Variants in SCN9A observed in about 807,000 individuals in gnomAD.
The protein encoded by SCN9A is sodium channel protein type 9 subunit alpha.
A neutral mutation model predicts 187.0 loss-of-function variants in SCN9A; 131 were observed. The ratio of observed to expected loss-of-function variants is 0.70; its 90% CI spans 0.61 to 0.81. The LOEUF (loss-of-function observed/expected upper bound fraction) is 0.81, where lower values mean the gene tolerates loss of function less well. Among genes scored for constraint, SCN9A ranks in the 30% least tolerant of loss-of-function variants. The pLI, the probability that SCN9A is intolerant of heterozygous loss-of-function variation, is 0.00. For missense variants in SCN9A, 2,252 were observed against 2,396.6 expected, an observed-to-expected ratio of 0.94 and a Z score of 1.26; for synonymous variants, 809 against 808.6, an observed-to-expected ratio of 1.00 and a Z score of -0.01.
intron 1 of SCN9A, among the ~76,000 whole-genome samples, chr2:166,341,906 T>C (rs989747797): frequency 6.6e-6 from 1 of 152,226 alleles, no homozygotes; most frequent in African/African-American, 2.4e-5. Flanking sequence ...AAGAAAGGTT[T>C]CGGTTTTAAC....
intron 24 of SCN9A, among the ~76,000 whole-genome samples, chr2:166,215,779 C>CA (rs33938188): frequency 0.5 from 67,666 of 134,594 alleles, 17,382 homozygotes; most frequent in African/African-American, 0.62. Flanking sequence ...GTCTCCTAAC[C>CA]AAAAAAAAAA....
chr2:166,245,802 A>G (rs1354149817), intron 18 of SCN9A, among the ~76,000 whole-genome samples: 1 of 152,040 alleles, frequency 6.6e-6, no homozygotes, highest in African/African-American at 2.4e-5. Context: ...TAATTCATTA[A>G]CAAGTATTGA....
At chr2:166,242,729 A>G in intron 18 of SCN9A, 73 bp from the exon 19 acceptor site, 2 of 1,175,228 alleles carry the variant, frequency 1.7e-6, no homozygotes, top group Non-Finnish European at 2.4e-6. Flanking sequence ...TATTTAATGC[A>G]AACTGCTTTC....
At chr2:166,359,172 G>T (rs1217849284) in intron 1 of SCN9A, among the ~76,000 whole-genome samples, 3 of 151,922 alleles carry the variant, frequency 2.0e-5, no homozygotes, top group South Asian at 2.1e-4. Flanking sequence ...TATTAGGGTT[G>T]GTGCTATTAG....
At chr2:166,322,616 C>T (rs1699271955) in intron 1 of SCN9A, among the ~76,000 whole-genome samples, 1 of 152,132 alleles carries the variant, frequency 6.6e-6, no homozygotes, top group Non-Finnish European at 1.5e-5. Context: ...TTGTCTCATC[C>T]TTCTATTTTA....
intron 7 of SCN9A, among the ~76,000 whole-genome samples, chr2:166,299,205 T>TAGGGG (rs1698451581): frequency 7.0e-6 from 1 of 143,638 alleles, no homozygotes; most frequent in Admixed American, 6.7e-5. Context: ...CAAAAACCCA[T>TAGGGG]ATATTTTTTT....
chr2:166,232,216 G>A (rs1039824296), intron 21 of SCN9A, among the ~76,000 whole-genome samples: 1 of 152,146 alleles, frequency 6.6e-6, no homozygotes, highest in Non-Finnish European at 1.5e-5. Flanking sequence ...CTCCATGTGT[G>A]TTACAAAGTT....
intron 1 of SCN9A, among the ~76,000 whole-genome samples, chr2:166,367,989 GGGTTAAA>G (rs1700459311): frequency 6.6e-6 from 1 of 152,152 alleles, no homozygotes; most frequent in African/African-American, 2.4e-5. Context: ...GCTCCATTAA[GGGTTAAA>G]CATATTTGAT....
intron 1 of SCN9A, among the ~76,000 whole-genome samples, chr2:166,320,794 G>A (rs1699218369): frequency 6.6e-6 from 1 of 151,988 alleles, no homozygotes; most frequent in Non-Finnish European, 1.5e-5. Context: ...CTTATGTTAG[G>A]TAATGTTAAA....
chr2:166,288,322 C>A, intron 10 of SCN9A, 115 bp downstream of exon 10: 2 of 786,768 alleles, frequency 2.5e-6, no homozygotes, highest in African/African-American at 1.7e-5. Flanking sequence ...AGTTTATACA[C>A]AAAAATTCAT....
At chr2:166,367,653 C>A (rs1247179348) in intron 1 of SCN9A, among the ~76,000 whole-genome samples, 2 of 152,152 alleles carry the variant, frequency 1.3e-5, no homozygotes, top group Non-Finnish European at 2.9e-5. Context: ...GCCTTTTTCC[C>A]ATTTCAGTTT....
intron 20 of SCN9A, among the ~76,000 whole-genome samples, chr2:166,237,813 A>G (rs942588643): frequency 6.6e-6 from 1 of 152,134 alleles, no homozygotes; most frequent in Non-Finnish European, 1.5e-5. Context: ...CATATTTTTT[A>G]AAAAATCACA....
intron 24 of SCN9A, among the ~76,000 whole-genome samples, chr2:166,224,419 G>T (rs1694758983): frequency 6.6e-6 from 1 of 152,062 alleles, no homozygotes; most frequent in South Asian, 2.1e-4. Context: ...GCACACTAAT[G>T]ACATTTTGGT....
At position 166,237,117 on chromosome 2, in the gene SCN9A, A is replaced by T. The variant is rs764777002; in HGVS notation, c.3801+977T>A. On this transcript the variant is annotated intron_variant, in intron 20 of 26. Coordinates refer to ENST00000642356, the MANE Select transcript of SCN9A (RefSeq NM_001365536.1). ...TCATTCTGAGAAAAATAAGACTGGGAGATTGAGGTTATAAAATAATGTAAG... is the reference window on the plus strand; with the variant it reads ...TCATTCTGAGAAAAATAAGACTGGGTGATTGAGGTTATAAAATAATGTAAG... 5.7e-4 allele frequency among the ~76,000 whole-genome samples: 86 copies of T among 152,096 alleles called. 1 individual carries two copies. The highest frequency in any genetic ancestry group is 1.2e-3 in the Admixed American group (18 of 15,262).
chr2:166,229,511 T>G (rs973623038), intron 21 of SCN9A, among the ~76,000 whole-genome samples: 1 of 152,122 alleles, frequency 6.6e-6, no homozygotes, highest in African/African-American at 2.4e-5. Context: ...TAATTTAATT[T>G]AATTATTTTC....
At chr2:166,258,986 T>G (rs1284918296) in intron 17 of SCN9A, among the ~76,000 whole-genome samples, 1 of 151,660 alleles carries the variant, frequency 6.6e-6, no homozygotes, top group East Asian at 1.9e-4. Flanking sequence ...GATCATGCAC[T>G]TGAAATCACT....
chr2:166,271,356 A>G (rs144057409), intron 17 of SCN9A, among the ~76,000 whole-genome samples: 38 of 152,272 alleles, frequency 2.5e-4, no homozygotes, highest in African/African-American at 8.9e-4. Flanking sequence ...AGTATTAACA[A>G]TTTAATAGAT....
In SCN9A at chr2:166,336,920, T is replaced by C. The variant is rs375383262; in HGVS notation, c.-50-25114A>G. Among the ~76,000 whole-genome samples the C allele has an allele frequency of 1.1e-4, 17 of 152,272 alleles. No homozygotes were observed. The East Asian group carries it at 2.3e-3, about 21-fold the overall frequency. The stretch of plus-strand genomic sequence containing the variant: ...ATTATTTTCATTATTTTTAAGGGAC[T>C]ATTTCCTTAACAAAGAAAGTGGAGA... On this transcript the variant is annotated intron_variant, in intron 1 of 26. Transcript: ENST00000642356.
chr2:166,211,549 A>G (rs1278580210), intron 24 of SCN9A, among the ~76,000 whole-genome samples: 1 of 151,896 alleles, frequency 6.6e-6, no homozygotes, highest in Non-Finnish European at 1.5e-5. Context: ...CTAATATAAA[A>G]GTTAAATGTC....
Sources: allele counts gnomAD v4.1 joint callset (sites outside exome capture counted in the v4.1 genomes callset), GRCh38; gene constraint gnomAD v4.1.1; transcripts MANE v1.5; gene names NCBI Gene and HGNC (gene_info 2026-07-23, HGNC 2026-07-21).